Variants in VAX1 observed in about 807,000 individuals in gnomAD.
VAX1 encodes ventral anterior homeobox 1.
Under a neutral mutation model 17.6 loss-of-function variants are expected in VAX1, and 6 were observed. That is an observed-to-expected ratio of 0.34 (90% CI 0.19 to 0.67). The LOEUF is 0.67. Ranked by LOEUF, VAX1 falls within the 30% of genes least tolerant of loss-of-function variation. The pLI is 0.69. For synonymous variants in VAX1, 256 were observed against 227.4 expected, an observed-to-expected ratio of 1.13 and a Z score of -1.13; for missense variants, 408 against 463.7, an observed-to-expected ratio of 0.88 and a Z score of 1.10.
At position 117,138,043 on chromosome 10, in the gene VAX1, G is replaced by A. The variant is rs760200304; in HGVS notation, c.14C>T (p.Pro5Leu). The change falls in exon 1 of 3, where the codon CCA (proline) becomes CTA (leucine). Residue 5 changes from proline (P) to leucine (L), a missense_variant. This residue lies in a region of VAX1 where 133 missense variants were observed against 112.0 expected (regional missense o/e 1.19). Transcript: ENST00000369206. The part of the protein sequence containing the change: MFGK[P>L]DKMDVRCHSD... ...GTGGCATCGAACGTCCATTTTGTCT[G>A]GTTTCCCGAACATAGGCAAGAACAA... 1 of 1,406,506 alleles carries A rather than the reference G, an allele frequency of 7.1e-7. No homozygotes were observed. Among genetic ancestry groups the A allele is most frequent in the Admixed American group, 1.9e-5 (1 of 51,762 alleles). The allele number at this position is 1,406,506 out of a possible 1,614,324, so 87.1% of individuals were successfully genotyped here. A position where few individuals can be genotyped will look rare whatever the true frequency, so the allele number is the denominator to read the frequency against.
In VAX1 at chr10:117,136,738, C is replaced by T; in HGVS notation, c.242-79G>A. On this transcript the variant is annotated intron_variant, in intron 1 of 2. Transcript: ENST00000369206. This position sits in a 1 kb window ranked among gnomAD's most constrained non-coding sequence, Gnocchi z 5.0. ...TTGGCCCGAGCTGGATTTGGGGACA[C>T]AGTCCCCAGAAGCGTGCAGTTTTGG... 1 of 1,505,690 alleles carries T rather than the reference C, an allele frequency of 6.6e-7. No individual in the cohort carries two copies. The highest frequency in any genetic ancestry group is 1.4e-5 in the African/African-American group (1 of 72,190). The allele number at this position is 1,505,690 out of a possible 1,614,324, so 93.3% of individuals were successfully genotyped here.
At chr10:117,128,757 G>A (rs1854047689), downstream of VAX1, 1 of 152,174 alleles carries the variant, frequency 6.6e-6, no homozygotes, top group African/African-American at 2.4e-5. Context: ...CAGAACTCAT[G>A]TCTCTTCAAA....
rs1854190158 is a variant in VAX1, at chr10:117,137,011, G to T, written c.242-352C>A. ...AGCCTGAGGGTACCCTTGTCGCCCC[G>T]CCCGGGTCCTGCGGGCCCCAGCTCT... On this transcript the variant is annotated intron_variant, in intron 1 of 2. Transcript: ENST00000369206. This position sits in a 1 kb window ranked among gnomAD's most constrained non-coding sequence, Gnocchi z 7.4. Among the ~76,000 whole-genome samples, 1 of 152,016 alleles carries T rather than the reference G, an allele frequency of 6.6e-6. No individual in the cohort carries two copies. Among genetic ancestry groups the T allele is most frequent in the Non-Finnish European group, 1.5e-5 (1 of 67,984 alleles).
Position 117,137,942 on chromosome 10 carries a change from G to C in VAX1, c.115C>G (p.Leu39Val). The part of the protein sequence containing the change: ...SRESKGAEGN[L>V]PAAFLKEPQG... ...GGCTCCTTGAGGAAGGCGGCTGGGA[G>C]GTTCCCCTCCGCGCCCTTGCTCTCC... Residue 39 changes from leucine (L) to valine (V), a missense_variant, in exon 1 of 3, where the codon CTC (leucine) becomes GTC (valine). Coordinates refer to ENST00000369206, the MANE Select transcript of VAX1 (RefSeq NM_001112704.2). This position sits in a 1 kb window ranked among gnomAD's most constrained non-coding sequence, Gnocchi z 7.4. 1 of 1,613,882 alleles carries C rather than the reference G, an allele frequency of 6.2e-7. No homozygotes were observed. Among genetic ancestry groups the C allele is most frequent in the South Asian group, 1.1e-5 (1 of 91,086 alleles).
rs1009864482 is a variant in VAX1 at position 117,133,470 on chromosome 10, G to C, written c.*538C>G. On this transcript the variant is annotated 3_prime_UTR_variant, in exon 3 of 3. Coordinates refer to ENST00000369206, the MANE Select transcript of VAX1 (RefSeq NM_001112704.2). ...AGCTGTGTTGTGTACCGACTATCCC[G>C]AGAGGTCCGCAAAGCGGGGCCCAGG... 2.0e-5 allele frequency: 20 copies of C among 985,468 alleles called. No homozygotes were observed. In the Admixed American group the frequency reaches 1.2e-3, roughly 61 times the overall value. 61.0% of individuals were successfully genotyped at this position (985,468 alleles called of 1,614,324 possible).
Position 117,136,690 on chromosome 10 carries a change from C to A in VAX1, c.242-31G>T. The A allele has an allele frequency of 6.3e-7, 1 of 1,589,220 alleles. No individual in the cohort carries two copies. The highest frequency in any genetic ancestry group is 1.1e-5 in the South Asian group (1 of 89,342). On this transcript the variant is annotated intron_variant, in intron 1 of 2. Transcript: ENST00000369206. This position sits in a 1 kb window ranked among gnomAD's most constrained non-coding sequence, Gnocchi z 5.0. The stretch of plus-strand genomic sequence containing the variant: ...GAAGGGGAGATGTCAGCCGCCAGAA[C>A]CCTCCCGTCCCCCTCCACCTCCTTG...
At position 117,134,298 on chromosome 10, in the gene VAX1, C is replaced by T. The variant is rs794727490; in HGVS notation, c.715G>A (p.Ala239Thr). Residue 239 changes from alanine (A) to threonine (T), a missense_variant, in exon 3 of 3, where the codon GCT (alanine) becomes ACT (threonine). Coordinates refer to ENST00000369206, the MANE Select transcript of VAX1 (RefSeq NM_001112704.2). This position sits in a 1 kb window ranked among gnomAD's most constrained non-coding sequence, Gnocchi z 6.2. ...ACAGCCGGCGGGTGCGGGGATGCAG[C>T]GCCCGCTGGGCCCGGGGCGGCGGCG... ...AAAAAPGPAG[A>T]ASPHPPAVGG... The T allele has an allele frequency of 8.5e-7, 1 of 1,170,924 alleles. No homozygotes were observed. Among genetic ancestry groups the T allele is most frequent in the East Asian group, 3.8e-5 (1 of 26,442 alleles). 72.5% of individuals were successfully genotyped at this position (1,170,924 alleles called of 1,614,324 possible). A position where few individuals can be genotyped will look rare whatever the true frequency, so the allele number is the denominator to read the frequency against.
At chr10:117,133,157 AAAT>A (rs2133658850), downstream of VAX1, 2 of 475,180 alleles carry the variant, frequency 4.2e-6, no homozygotes, top group African/African-American at 4.2e-5. Flanking sequence ...TTCCCCCATT[AAAT>A]TCCTGTTTAA....
At chr10:117,132,339 T>A, downstream of VAX1, 1 of 1,611,956 alleles carries the variant, frequency 6.2e-7, no homozygotes, top group South Asian at 1.1e-5. This position sits in a 1 kb window ranked among gnomAD's most constrained non-coding sequence, Gnocchi z 4.9. Flanking sequence ...TCATTTATCA[T>A]CATAGATATA....
At chr10:117,131,933 GA>G, downstream of VAX1, 1 of 399,596 alleles carries the variant, frequency 2.5e-6, no homozygotes, top group Non-Finnish European at 4.4e-6. Flanking sequence ...CCGGCATGAA[GA>G]TGCAGCTGGA....
chr10:117,134,130 T>C lies in VAX1; in HGVS notation c.883A>G (p.Met295Val), dbSNP rs794727489. ...ASRLSSAPLTMAGSLAGNLQE... is the reference protein window; with the variant it reads ...ASRLSSAPLTVAGSLAGNLQE... Reference sequence around the variant, plus strand: ...AAATTCCCAGCTAGCGAACCAGCCATTGTTAACGGGGCGGAGGACAGGCGG... The same window carrying C: ...AAATTCCCAGCTAGCGAACCAGCCACTGTTAACGGGGCGGAGGACAGGCGG... Residue 295 changes from methionine to valine, a missense_variant, in exon 3 of 3, where the codon ATG (methionine) becomes GTG (valine). Coordinates refer to ENST00000369206, the MANE Select transcript of VAX1 (RefSeq NM_001112704.2). This position sits in a 1 kb window ranked among gnomAD's most constrained non-coding sequence, Gnocchi z 6.2. The C allele has an allele frequency of 4.9e-5, 76 of 1,535,748 alleles. No homozygotes were observed. In the African/African-American group the frequency reaches 7.0e-4, roughly 14 times the overall value.
In VAX1 at chr10:117,134,359, G is replaced by A. The variant is rs1854139548; in HGVS notation, c.654C>T (p.Gly218=). The A allele has an allele frequency of 6.9e-6, 8 of 1,155,696 alleles. No individual in the cohort carries two copies. In the South Asian group the frequency reaches 2.4e-4, roughly 35 times the overall value. The allele number at this position is 1,155,696 out of a possible 1,614,324, so 71.6% of individuals were successfully genotyped here. A position where few individuals can be genotyped will look rare whatever the true frequency, so the allele number is the denominator to read the frequency against. ...ALRGPSLPAL[G]AGAAAGSAAA... Reference sequence around the variant, plus strand: ...CGGCCGAGCCTGCAGCGGCGCCCGCGCCCAGGGCCGGCAAGCTGGGCCCGC... The same window carrying A: ...CGGCCGAGCCTGCAGCGGCGCCCGCACCCAGGGCCGGCAAGCTGGGCCCGC... Residue 218 remains glycine, a synonymous_variant, in exon 3 of 3, where the codon GGC becomes GGT. Coordinates refer to ENST00000369206, the MANE Select transcript of VAX1 (RefSeq NM_001112704.2). This position sits in a 1 kb window ranked among gnomAD's most constrained non-coding sequence, Gnocchi z 6.2.
Position 117,137,741 on chromosome 10 carries a change from T to G in VAX1, c.241+75A>C. ...GCCGGCACTCCTTCCCACCGGCCTG[T>G]GTCGGCGGCAGCGCGCAGCTCCGGC... On this transcript the variant is annotated intron_variant, in intron 1 of 2. Coordinates refer to ENST00000369206, the MANE Select transcript of VAX1 (RefSeq NM_001112704.2). The surrounding 1 kb of genome is among the most constrained non-coding windows in gnomAD (Gnocchi z 7.4). 1 of 1,601,718 alleles carries G rather than the reference T, an allele frequency of 6.2e-7. No homozygotes were observed. The highest frequency in any genetic ancestry group is 8.5e-7 in the Non-Finnish European group (1 of 1,179,176).
chr10:117,137,939 G>C lies in VAX1; in HGVS notation c.118C>G (p.Pro40Ala). 6.2e-7 allele frequency: 1 copy of C among 1,613,894 alleles called. No individual in the cohort carries two copies. Among genetic ancestry groups the C allele is most frequent in the Non-Finnish European group, 8.5e-7 (1 of 1,180,000 alleles). ...RESKGAEGNL[P>A]AAFLKEPQGA... ...TGCGGCTCCTTGAGGAAGGCGGCTG[G>C]GAGGTTCCCCTCCGCGCCCTTGCTC... The change falls in exon 1 of 3, where the codon CCA (proline) becomes GCA (alanine). Residue 40 changes from proline to alanine, a missense_variant. By Grantham distance (27) the Pro-to-Ala change is conservative (BLOSUM62 -1). Around this residue, in one of 4 missense-constraint regions of VAX1, gnomAD observed 133 missense variants for 112.0 expected, o/e 1.19. Transcript: ENST00000369206. This position sits in a 1 kb window ranked among gnomAD's most constrained non-coding sequence, Gnocchi z 7.4.
chr10:117,136,808 A>T lies in VAX1; in HGVS notation c.242-149T>A, dbSNP rs891063271. ...GAGCGCGACCACAACCAGGTAGCAA[A>T]GACACTGTGTGGAGGGCAAGGGGCC... On this transcript the variant is annotated intron_variant, in intron 1 of 2. Coordinates refer to ENST00000369206, the MANE Select transcript of VAX1 (RefSeq NM_001112704.2). The surrounding 1 kb of genome is among the most constrained non-coding windows in gnomAD (Gnocchi z 5.0). 9.6e-6 allele frequency: 9 copies of T among 939,722 alleles called. No homozygotes were observed. Among genetic ancestry groups the T allele is most frequent in the Non-Finnish European group, 6.3e-6 (4 of 639,380 alleles). The allele number at this position is 939,722 out of a possible 1,614,324, so 58.2% of individuals were successfully genotyped here. A position where few individuals can be genotyped will look rare whatever the true frequency, so the allele number is the denominator to read the frequency against.
Position 117,133,882 on chromosome 10 carries a change from A to G in VAX1, c.*126T>C. On this transcript the variant is annotated 3_prime_UTR_variant, in exon 3 of 3. Transcript: ENST00000369206. ...TGGTAGCAGAGTCTAGTGGGAAAGG[A>G]GAGCTGTCAGAGGCCTGGTGGGAGC... 4 of 1,389,480 alleles carry G rather than the reference A, an allele frequency of 2.9e-6. 1 individual carries two copies. The highest frequency in any genetic ancestry group is 3.7e-6 in the Non-Finnish European group (4 of 1,078,148). 86.1% of individuals were successfully genotyped at this position (1,389,480 alleles called of 1,614,324 possible).
Position 117,138,198 on chromosome 10 carries a change from G to T in VAX1, c.-142C>A. On this transcript the variant is annotated 5_prime_UTR_variant, in exon 1 of 3. Coordinates refer to ENST00000369206, the MANE Select transcript of VAX1 (RefSeq NM_001112704.2). The stretch of plus-strand genomic sequence containing the variant: ...GCCCGTACGCCCGGCCCGGCGACAG[G>T]CAAGGGGCAAGAATGAATGTCCCCG... 9.7e-7 allele frequency: 1 copy of T among 1,029,232 alleles called. No homozygotes were observed. Among genetic ancestry groups the T allele is most frequent in the Non-Finnish European group, 1.4e-6 (1 of 713,474 alleles). 63.8% of individuals were successfully genotyped at this position (1,029,232 alleles called of 1,614,324 possible).
rs556425313 is a variant in VAX1 at position 117,137,895 on chromosome 10, C to G, written c.162G>C (p.Ser54=). 891 of 1,613,826 alleles carry G rather than the reference C, an allele frequency of 5.5e-4. 10 individuals carry two copies. The South Asian group carries it at 8.8e-3, about 16-fold the overall frequency. The change falls in exon 1 of 3, where the codon TCG becomes TCC. Residue 54 remains serine, a synonymous_variant. Transcript: ENST00000369206. The surrounding 1 kb of genome is among the most constrained non-coding windows in gnomAD (Gnocchi z 7.4). ...TTTTGTTACAATCCTCAGCAGCGCC[C>G]GACGCTGAGAAGGCGCCCTGCGGCT... ...LKEPQGAFSA[S]GAAEDCNKSK...
chr10:117,132,625 G>A (rs1854104440), downstream of VAX1: 1 of 954,062 alleles, frequency 1.0e-6, no homozygotes. The surrounding 1 kb of genome is among the most constrained non-coding windows in gnomAD (Gnocchi z 4.9). Context: ...GTCTGGGTCT[G>A]TGATTTTGGT....
Sources: allele counts gnomAD v4.1 joint callset (sites outside exome capture counted in the v4.1 genomes callset), GRCh38; gene constraint gnomAD v4.1.1; regional missense constraint gnomAD v4.1.1; non-coding constraint Gnocchi (gnomAD v3.1); transcripts MANE v1.5; gene names NCBI Gene and HGNC (gene_info 2026-07-23, HGNC 2026-07-21).